TANC1: variants seen among roughly 807,000 people sequenced by gnomAD.
The protein encoded by TANC1 is tetratricopeptide repeat, ankyrin repeat and coiled-coil containing 1.
TANC1 carries 77 observed loss-of-function variants against 149.7 expected under a neutral mutation model. The observed-to-expected ratio is 0.51, with a 90% CI of 0.43 to 0.62. The LOEUF is 0.62. Among genes scored for constraint, TANC1 ranks in the 20% least tolerant of loss-of-function variants. The probability of loss-of-function intolerance (pLI) is 0.00; values close to 1 mark genes in which losing one functional copy is unlikely to be tolerated. For missense variants in TANC1, 1,985 were observed against 2,321.8 expected (o/e 0.85, Z 2.98); for synonymous variants, 854 against 925.0 (o/e 0.92, Z 1.39).
chr2:159,022,476 T>G (rs1486319994), intron 2 of TANC1, among the ~76,000 whole-genome samples: 1 of 152,028 alleles, frequency 6.6e-6, no homozygotes, highest in Non-Finnish European at 1.5e-5. Flanking sequence ...CAAGGCACGG[T>G]GGTTCACGCC....
At chr2:158,999,353 A>G (rs2036426444) in intron 1 of TANC1, among the ~76,000 whole-genome samples, 1 of 152,176 alleles carries the variant, frequency 6.6e-6, no homozygotes, top group Non-Finnish European at 1.5e-5. Context: ...AAAGGAAGGA[A>G]ATTTCCATGG....
chr2:159,179,069 C>T lies in TANC1; in HGVS notation c.2416C>T (p.Arg806Ter), dbSNP rs2150543449. Residue 806 changes from arginine (R) to a stop codon, truncating the protein, a stop_gained, in exon 14 of 27, where the codon CGA becomes TGA. Coordinates refer to ENST00000263635, the MANE Select transcript of TANC1 (RefSeq NM_033394.3). LOFTEE classifies it high-confidence loss of function. ...CCTCTCCTGCTTCCTCATTAAGAGG[C>T]GAGACAAAACCCGCATGTTCTGCCA... ...DALSCFLIKR[R>*]DKTRMFCHPS... 1 of 1,613,840 alleles carries T rather than the reference C, an allele frequency of 6.2e-7. No individual in the cohort carries two copies. The highest frequency in any genetic ancestry group is 1.1e-5 in the South Asian group (1 of 91,072).
chr2:159,121,035 T>A (rs1434918672), intron 4 of TANC1, among the ~76,000 whole-genome samples: 1 of 152,178 alleles, frequency 6.6e-6, no homozygotes, highest in Non-Finnish European at 1.5e-5. Flanking sequence ...CCAGGGAGTA[T>A]GTCTTTGGGA....
chr2:159,092,075 G>A (rs1018228256), intron 3 of TANC1, among the ~76,000 whole-genome samples: 4 of 152,106 alleles, frequency 2.6e-5, no homozygotes, highest in African/African-American at 9.7e-5. Flanking sequence ...CACATTTAAT[G>A]CCCTAGTTAA....
chr2:159,047,188 TC>T (rs58004948), intron 2 of TANC1, among the ~76,000 whole-genome samples: 14 of 143,162 alleles, frequency 9.8e-5, no homozygotes, highest in South Asian at 2.3e-4. Flanking sequence ...TGAACTCATT[TC>T]CCCCCCCCAG....
chr2:159,003,375 C>T (rs1441437021), intron 2 of TANC1, among the ~76,000 whole-genome samples: 1 of 152,166 alleles, frequency 6.6e-6, no homozygotes, highest in Non-Finnish European at 1.5e-5. Flanking sequence ...ACCTTCTGTG[C>T]TTTCTTGGAA....
chr2:159,016,927 C>T (rs971789750), intron 2 of TANC1, among the ~76,000 whole-genome samples: 5 of 152,142 alleles, frequency 3.3e-5, no homozygotes, highest in African/African-American at 1.2e-4. Flanking sequence ...TCTTATATTT[C>T]CTTCCATTGC....
At chr2:159,123,436 C>G (rs1238752152) in intron 4 of TANC1, among the ~76,000 whole-genome samples, 5 of 152,084 alleles carry the variant, frequency 3.3e-5, no homozygotes, top group African/African-American at 1.2e-4. Flanking sequence ...GGAGCACCTT[C>G]TAATCAGTGG....
At chr2:159,184,266 A>G (rs2056769758) in intron 14 of TANC1, among the ~76,000 whole-genome samples, 1 of 152,242 alleles carries the variant, frequency 6.6e-6, no homozygotes, top group African/African-American at 2.4e-5. Context: ...AATTAACAGA[A>G]TCATGAATGC....
intron 4 of TANC1, among the ~76,000 whole-genome samples, chr2:159,129,708 G>A (rs1293491207): frequency 2.0e-5 from 3 of 152,156 alleles, no homozygotes; most frequent in South Asian, 2.1e-4. Context: ...ATCACATAGT[G>A]GAGATTGTGA....
At chr2:159,223,459 C>G (rs775369376) in intron 22 of TANC1, among the ~76,000 whole-genome samples, 10 of 152,110 alleles carry the variant, frequency 6.6e-5, no homozygotes, top group African/African-American at 1.7e-4. Flanking sequence ...GGTTGTAGTT[C>G]TTTGTGTAGA....
intron 2 of TANC1, among the ~76,000 whole-genome samples, chr2:159,045,290 G>A (rs562985657): frequency 6.6e-6 from 1 of 152,198 alleles, no homozygotes; most frequent in Admixed American, 6.5e-5. Flanking sequence ...AAATTACCCG[G>A]GCATGGTGGC....
intron 1 of TANC1, among the ~76,000 whole-genome samples, chr2:158,990,082 A>AT (rs1210788254): frequency 2.6e-5 from 4 of 151,830 alleles, no homozygotes; most frequent in Non-Finnish European, 4.4e-5. Flanking sequence ...CGCCTGGCTA[A>AT]TTTTTTGTAT....
chr2:159,186,503 AGTG>A (rs2056980781), intron 15 of TANC1, among the ~76,000 whole-genome samples: 1 of 152,038 alleles, frequency 6.6e-6, no homozygotes, highest in Admixed American at 6.6e-5. Context: ...ATTAGCTGGG[AGTG>A]GTGGCATGTA....
In TANC1 at chr2:159,175,033, G is replaced by C; in HGVS notation, c.1584G>C (p.Leu528Phe). 1 of 1,614,204 alleles carries C rather than the reference G, an allele frequency of 6.2e-7. No individual in the cohort carries two copies. Among genetic ancestry groups the C allele is most frequent in the African/African-American group, 1.3e-5 (1 of 75,046 alleles). Residue 528 changes from leucine (L) to phenylalanine (F), a missense_variant, in exon 12 of 27, where the codon TTG becomes TTC. This residue lies in a region of TANC1 where 508 missense variants were observed against 714.2 expected (regional missense o/e 0.71). Transcript: ENST00000263635. ...AGTTTGTGCACAGCATCGCAGCTTTGCTCTGCCGGTCCCATCAGCTGGCCG... is the reference window on the plus strand; with the variant it reads ...AGTTTGTGCACAGCATCGCAGCTTTCCTCTGCCGGTCCCATCAGCTGGCCG... ...VPEFVHSIAA[L>F]LCRSHQLAAY...
chr2:159,118,833 A>G (rs1326988742), intron 4 of TANC1, among the ~76,000 whole-genome samples: 1 of 152,214 alleles, frequency 6.6e-6, no homozygotes, highest in Non-Finnish European at 1.5e-5. Flanking sequence ...CCCTGTCTGC[A>G]TGCTGTTCGA....
At chr2:159,105,346 C>T (rs926708252) in intron 4 of TANC1, among the ~76,000 whole-genome samples, 3 of 152,088 alleles carry the variant, frequency 2.0e-5, no homozygotes, top group South Asian at 2.1e-4. Flanking sequence ...TTCGCTATTC[C>T]TGGTGTGAAT....
intron 2 of TANC1, among the ~76,000 whole-genome samples, chr2:159,012,837 G>T (rs1367576295): frequency 1.3e-5 from 2 of 152,082 alleles, no homozygotes; most frequent in African/African-American, 4.8e-5. Flanking sequence ...ATTTTTGTTT[G>T]ACATTGTTCC....
In TANC1 at chr2:159,230,263, G is replaced by C. The variant is rs776593454; in HGVS notation, c.4837G>C (p.Glu1613Gln). ...PSQNVRLQCG[E>Q]NGPAHPLPSK... Reference sequence around the variant, plus strand: ...CCAGAATGTCCGCCTGCAGTGTGGTGAGAATGGCCCTGCACACCCTTTACC... The same window carrying C: ...CCAGAATGTCCGCCTGCAGTGTGGTCAGAATGGCCCTGCACACCCTTTACC... The change falls in exon 27 of 27, where the codon GAG (glutamate) becomes CAG (glutamine). Residue 1613 changes from glutamate (E) to glutamine (Q), a missense_variant. Physicochemically the swap from Glu to Gln is conservative, Grantham distance 29. Around this residue, in one of 3 missense-constraint regions of TANC1, gnomAD observed 920 missense variants for 994.7 expected, o/e 0.92. Transcript: ENST00000263635. This position sits in a 1 kb window ranked among gnomAD's most constrained non-coding sequence, Gnocchi z 4.4. 2 of 1,614,016 alleles carry C rather than the reference G, an allele frequency of 1.2e-6. No homozygotes were observed. Among genetic ancestry groups the C allele is most frequent in the South Asian group, 2.2e-5 (2 of 91,078 alleles).
Sources: gnomAD v4.1 joint callset for allele counts (sites outside exome capture counted in the v4.1 genomes callset) on GRCh38, gnomAD v4.1.1 for gene constraint, gnomAD v4.1.1 regional missense constraint, Gnocchi (gnomAD v3.1) non-coding constraint, MANE v1.5 for transcripts, NCBI Gene and HGNC (gene_info 2026-07-23, HGNC 2026-07-21) for gene names.